The following IL1RAPL2 variants were observed in gnomAD, a reference collection of about 807,000 sequenced individuals.
IL1RAPL2 encodes interleukin 1 receptor accessory protein like 2.
Under a neutral mutation model 44.1 loss-of-function variants are expected in IL1RAPL2, and 3 were observed. The observed-to-expected ratio is 0.07, with a 90% CI of 0.03 to 0.18. IL1RAPL2 has a LOEUF of 0.18. Ranked by LOEUF, IL1RAPL2 falls within the 10% of genes least tolerant of loss-of-function variation. IL1RAPL2 has a pLI of 1.00. For missense variants in IL1RAPL2, 391 were observed against 496.4 expected (o/e 0.79, Z 2.02); for synonymous variants, 181 against 178.8 (o/e 1.01, Z -0.10).
chrX:104,771,340 C>G (rs1290773382), intron 2 of IL1RAPL2, among the ~76,000 whole-genome samples: 1 of 112,348 alleles, frequency 8.9e-6, no homozygotes, highest in Non-Finnish European at 1.9e-5. Context: ...GTTTTATAGG[C>G]TGCAGAATAA....
intron 7 of IL1RAPL2, among the ~76,000 whole-genome samples, chrX:105,721,518 A>G (rs188536987): frequency 6.0e-4 from 67 of 111,954 alleles, no homozygotes; most frequent in African/African-American, 2.0e-3. Context: ...CTGCAGGATT[A>G]TTTAACTTTT....
At chrX:104,674,758 A>G (rs1441899554) in intron 2 of IL1RAPL2, among the ~76,000 whole-genome samples, 1 of 110,510 alleles carries the variant, frequency 9.0e-6, no homozygotes, top group Non-Finnish European at 1.9e-5. Flanking sequence ...GCTATTGATT[A>G]TTGCCACAAT....
intron 2 of IL1RAPL2, among the ~76,000 whole-genome samples, chrX:104,865,241 G>A (rs1422910116): frequency 2.7e-5 from 3 of 111,762 alleles, no homozygotes; most frequent in African/African-American, 9.8e-5. Flanking sequence ...TGCAAGTCTT[G>A]ATACCTTTAT....
chrX:104,911,134 T>C (rs2147683340), intron 2 of IL1RAPL2, among the ~76,000 whole-genome samples: 1 of 111,900 alleles, frequency 8.9e-6, no homozygotes, highest in East Asian at 2.8e-4. Flanking sequence ...GCATATTGAA[T>C]TGGTAATAAA....
chrX:105,283,483 G>A (rs1034344407), intron 5 of IL1RAPL2, among the ~76,000 whole-genome samples: 4 of 110,645 alleles, frequency 3.6e-5, no homozygotes, highest in Admixed American at 9.8e-5. Flanking sequence ...CAGAAGGGTA[G>A]TAATAGAGGT....
At chrX:105,145,846 C>T (rs989691254) in intron 2 of IL1RAPL2, among the ~76,000 whole-genome samples, 2 of 111,586 alleles carry the variant, frequency 1.8e-5, no homozygotes, top group African/African-American at 3.3e-5. Context: ...ATGGTTTGAA[C>T]GTTTGTGTCC....
chrX:105,403,005 AC>A (rs968985315), intron 5 of IL1RAPL2, among the ~76,000 whole-genome samples: 1 of 111,942 alleles, frequency 8.9e-6, no homozygotes, highest in African/African-American at 3.2e-5. Flanking sequence ...CAAAGGAGAG[AC>A]TTCACCAATT....
intron 6 of IL1RAPL2, among the ~76,000 whole-genome samples, chrX:105,612,935 G>A (rs747725612): frequency 9.0e-6 from 1 of 111,553 alleles, no homozygotes; most frequent in South Asian, 3.8e-4. Context: ...ACTGCAACTC[G>A]TAGGCAAGTT....
intron 6 of IL1RAPL2, among the ~76,000 whole-genome samples, chrX:105,513,098 T>C (rs958408991): frequency 1.8e-5 from 2 of 111,528 alleles, no homozygotes; most frequent in Admixed American, 1.9e-4. Context: ...GGACATGAAC[T>C]CATCCTTTTT....
At chrX:105,126,860 A>T (rs184951205) in intron 2 of IL1RAPL2, among the ~76,000 whole-genome samples, 1 of 111,134 alleles carries the variant, frequency 9.0e-6, no homozygotes, top group East Asian at 2.8e-4. Context: ...AACATACCAG[A>T]TATTCAGTAT....
intron 6 of IL1RAPL2, among the ~76,000 whole-genome samples, chrX:105,590,802 T>C (rs1404333308): frequency 1.9e-5 from 2 of 105,161 alleles, no homozygotes; most frequent in Non-Finnish European, 3.9e-5. Context: ...AGGAAACAGA[T>C]TGGCCTGAAT....
intron 8 of IL1RAPL2, among the ~76,000 whole-genome samples, 179 bp from the exon 9 acceptor site, chrX:105,748,779 AAT>A (rs1425136487): frequency 8.9e-6 from 1 of 112,456 alleles, no homozygotes; most frequent in Non-Finnish European, 1.9e-5. Flanking sequence ...TCAAATTTTA[AAT>A]AGTTTATTTT....
At chrX:105,196,014 G>C (rs781840559) in intron 3 of IL1RAPL2, among the ~76,000 whole-genome samples, 1 of 111,675 alleles carries the variant, frequency 9.0e-6, no homozygotes, top group Non-Finnish European at 1.9e-5. Context: ...GGGCGCAGTG[G>C]CTCACACCTG....
chrX:105,591,022 G>A (rs987023062), intron 6 of IL1RAPL2, among the ~76,000 whole-genome samples: 10 of 110,210 alleles, frequency 9.1e-5, no homozygotes, highest in African/African-American at 3.3e-4. Context: ...GTAGAATTTG[G>A]CTGTGAATTC....
At chrX:105,037,366 G>C (rs1449066080) in intron 2 of IL1RAPL2, among the ~76,000 whole-genome samples, 1 of 110,548 alleles carries the variant, frequency 9.0e-6, no homozygotes, top group Non-Finnish European at 1.9e-5. Context: ...AAGTATTCTT[G>C]TCACGGAAAA....
chrX:105,265,851 GAGTC>G (rs1236997872), intron 4 of IL1RAPL2, among the ~76,000 whole-genome samples: 1 of 110,988 alleles, frequency 9.0e-6, no homozygotes, highest in Non-Finnish European at 1.9e-5. Context: ...TGGGGATTGA[GAGTC>G]AGCACAGATT....
intron 2 of IL1RAPL2, among the ~76,000 whole-genome samples, chrX:105,091,982 C>A (rs1376614387): frequency 8.9e-6 from 1 of 111,981 alleles, no homozygotes; most frequent in Non-Finnish European, 1.9e-5. Flanking sequence ...TTTTGTAAAC[C>A]ATACACAAAA....
At chrX:105,526,861 G>C (rs911147557) in intron 6 of IL1RAPL2, among the ~76,000 whole-genome samples, 1 of 111,222 alleles carries the variant, frequency 9.0e-6, no homozygotes, top group Non-Finnish European at 1.9e-5. Context: ...TTCTGGGCAG[G>C]AGACATGTAT....
At chrX:105,423,308 A>G (rs1474367074) in intron 5 of IL1RAPL2, among the ~76,000 whole-genome samples, 2 of 112,110 alleles carry the variant, frequency 1.8e-5, no homozygotes, top group African/African-American at 3.2e-5. Flanking sequence ...TGATTTTGGT[A>G]AGTTTGTCAA....
Sources: gnomAD v4.1 joint callset for allele counts (sites outside exome capture counted in the v4.1 genomes callset) on GRCh38, gnomAD v4.1.1 for gene constraint, MANE v1.5 for transcripts, NCBI Gene and HGNC (gene_info 2026-07-23, HGNC 2026-07-21) for gene names.